Variants in DGLUCY observed in about 807,000 individuals in gnomAD.
The protein encoded by DGLUCY is D-glutamate cyclase, mitochondrial.
A neutral mutation model predicts 58.5 loss-of-function variants in DGLUCY; 58 were observed. The ratio of observed to expected loss-of-function variants is 0.99; its 90% CI spans 0.80 to 1.23. The LOEUF (loss-of-function observed/expected upper bound fraction) is 1.23. Among genes scored for constraint, DGLUCY ranks in the 50% most tolerant of loss-of-function variants. DGLUCY has a pLI of 0.00. For missense variants in DGLUCY, 779 were observed against 784.7 expected, an observed-to-expected ratio of 0.99 and a Z score of 0.09; for synonymous variants, 325 against 314.1, an observed-to-expected ratio of 1.03 and a Z score of -0.37.
At chr14:91,190,812 G>A (rs1235257043) in intron 9 of DGLUCY, among the ~76,000 whole-genome samples, 1 of 152,194 alleles carries the variant, frequency 6.6e-6, no homozygotes, top group African/African-American at 2.4e-5. Context: ...TGGGTGAGAT[G>A]GGGAGCCTGG....
chr14:91,120,391 A>G (rs962929005), intron 1 of DGLUCY, among the ~76,000 whole-genome samples: 1 of 152,100 alleles, frequency 6.6e-6, no homozygotes, highest in African/African-American at 2.4e-5. Context: ...AGGAAAAAGA[A>G]ATCTGATAAT....
chr14:91,184,633 A>AAGGGAGGGAGGGAGGGAGGGAGGGAGGG (rs1227145070), intron 8 of DGLUCY, among the ~76,000 whole-genome samples: 1 of 46,594 alleles, frequency 2.1e-5, no homozygotes, highest in Non-Finnish European at 3.8e-5. Flanking sequence ...GGAAGGAAGG[A>AAGGGAGGGAGGGAGGGAGGGAGGGAGGG]AGGGAGGGAG....
intron 13 of DGLUCY, among the ~76,000 whole-genome samples, chr14:91,218,568 A>G (rs537745427): frequency 6.6e-6 from 1 of 151,770 alleles, no homozygotes; most frequent in Non-Finnish European, 1.5e-5. Flanking sequence ...ACACCCGGCT[A>G]ATTTTTGTAT....
At chr14:91,198,964 T>G (rs550882637) in intron 10 of DGLUCY, among the ~76,000 whole-genome samples, 1 of 152,302 alleles carries the variant, frequency 6.6e-6, no homozygotes, top group East Asian at 1.9e-4. Context: ...TCTGTGCCCC[T>G]TATTTCTCTG....
intron 12 of DGLUCY, among the ~76,000 whole-genome samples, chr14:91,210,924 G>T (rs1224593282): frequency 2.6e-5 from 4 of 152,128 alleles, no homozygotes; most frequent in African/African-American, 9.7e-5. Flanking sequence ...AAATAAAATT[G>T]TCTTTGCTTG....
intron 8 of DGLUCY, among the ~76,000 whole-genome samples, chr14:91,187,839 A>G (rs1274240411): frequency 2.0e-5 from 3 of 151,530 alleles, no homozygotes; most frequent in East Asian, 3.9e-4. Context: ...CTCACTCACA[A>G]TCCTTTACTG....
intron 13 of DGLUCY, among the ~76,000 whole-genome samples, chr14:91,218,291 AAACAAATCACACAGCCC>A (rs1886895352): frequency 6.6e-6 from 1 of 152,220 alleles, no homozygotes; most frequent in Non-Finnish European, 1.5e-5. Flanking sequence ...GAACCCAGCC[AAACAAATCACACAGCCC>A]AACACACAGA....
chr14:91,150,021 C>T (rs2047226989), intron 1 of DGLUCY, among the ~76,000 whole-genome samples: 1 of 151,868 alleles, frequency 6.6e-6, no homozygotes, highest in Non-Finnish European at 1.5e-5. Context: ...GAGTTTGAGA[C>T]CAGCCTGGCC....
chr14:91,218,068 C>T (rs747414460), intron 13 of DGLUCY, among the ~76,000 whole-genome samples: 11 of 152,192 alleles, frequency 7.2e-5, no homozygotes, highest in African/African-American at 2.4e-4. Context: ...TTTCCCAATT[C>T]CGCTCAGAAG....
intron 1 of DGLUCY, among the ~76,000 whole-genome samples, chr14:91,061,195 C>T (rs982635605): frequency 1.3e-5 from 2 of 152,168 alleles, no homozygotes; most frequent in Admixed American, 1.3e-4. Context: ...TGTGTGACAA[C>T]CAGCGAGACG....
chr14:91,142,260 A>G (rs145199222), intron 1 of DGLUCY, among the ~76,000 whole-genome samples: 35 of 152,264 alleles, frequency 2.3e-4, no homozygotes, highest in African/African-American at 7.7e-4. Flanking sequence ...CAAGGTTTAC[A>G]ATCATTTATG....
intron 3 of DGLUCY, 96 bp downstream of exon 3, chr14:91,160,493 T>C: frequency 1.2e-6 from 1 of 835,748 alleles, no homozygotes; most frequent in Non-Finnish European, 1.8e-6. Flanking sequence ...TCCTAAGACT[T>C]CTAGATTCTG....
At chr14:91,070,178 A>G (rs1446058031) in intron 1 of DGLUCY, among the ~76,000 whole-genome samples, 1 of 152,078 alleles carries the variant, frequency 6.6e-6, no homozygotes, top group Non-Finnish European at 1.5e-5. Context: ...AATTAGGGAG[A>G]AGCTGGAGGA....
chr14:91,200,532 T>C (rs540187060), intron 11 of DGLUCY, among the ~76,000 whole-genome samples: 1 of 152,324 alleles, frequency 6.6e-6, no homozygotes, highest in South Asian at 2.1e-4. Context: ...CCATATATTA[T>C]TTTGTGAAGC....
intron 7 of DGLUCY, 84 bp downstream of exon 7, chr14:91,176,140 T>C: frequency 5.4e-6 from 8 of 1,468,496 alleles, no homozygotes; most frequent in Non-Finnish European, 7.3e-6. Context: ...ATTCTCGTAG[T>C]ACAATGATTT....
At chr14:91,117,652 CACACACACAT>C (rs778847969) in intron 1 of DGLUCY, among the ~76,000 whole-genome samples, 21,392 of 143,988 alleles carry the variant, frequency 0.15, 1,700 homozygotes, top group African/African-American at 0.23. Flanking sequence ...CACATACACA[CACACACACAT>C]ACACACACAC....
chr14:91,169,752 G>A (rs1464564300), intron 4 of DGLUCY, among the ~76,000 whole-genome samples: 2 of 151,800 alleles, frequency 1.3e-5, no homozygotes, highest in Non-Finnish European at 2.9e-5. Context: ...TTGGCTTGCG[G>A]GTATAGGAGA....
intron 8 of DGLUCY, among the ~76,000 whole-genome samples, chr14:91,187,724 A>C (rs2049607910): frequency 6.6e-6 from 1 of 152,212 alleles, no homozygotes. Context: ...CAACGCCCTA[A>C]TAGGCAGGTG....
At chr14:91,113,076 C>T (rs994415205), upstream of DGLUCY, among the ~76,000 whole-genome samples, 3 of 150,130 alleles carry the variant, frequency 2.0e-5, no homozygotes, top group Non-Finnish European at 2.9e-5. Flanking sequence ...CTGAGGCAGG[C>T]GGATCACAAG....
Sources: gnomAD v4.1 joint callset for allele counts (sites outside exome capture counted in the v4.1 genomes callset) on GRCh38, gnomAD v4.1.1 for gene constraint, MANE v1.5 for transcripts, NCBI Gene and HGNC (gene_info 2026-07-23, HGNC 2026-07-21) for gene names.